Variants in SGCZ observed in about 807,000 individuals in gnomAD.
SGCZ encodes the protein zeta-sarcoglycan.
A neutral mutation model predicts 41.3 loss-of-function variants in SGCZ; 40 were observed. The observed-to-expected ratio is 0.97, with a 90% confidence interval of 0.75 to 1.26. The LOEUF is 1.26. Among genes scored for constraint, SGCZ ranks in the 50% most tolerant of loss-of-function variants. The pLI, the probability that SGCZ is intolerant of heterozygous loss-of-function variation, is 0.00. For missense variants in SGCZ, 552 were observed against 369.8 expected, an observed-to-expected ratio of 1.49 and a Z score of -4.04; for synonymous variants, 206 against 137.5, an observed-to-expected ratio of 1.50 and a Z score of -3.49.
intron 1 of SGCZ, among the ~76,000 whole-genome samples, chr8:14,803,485 C>G (rs903331493): frequency 6.6e-6 from 1 of 152,076 alleles, no homozygotes; most frequent in African/African-American, 2.4e-5. Flanking sequence ...CCTGGAAAAT[C>G]GGGTCACTCC....
rs191251323 is a variant in SGCZ, at chr8:14,119,914, A to C, written c.548-11679T>G. On this transcript the variant is annotated intron_variant, in intron 5 of 7. Transcript: ENST00000382080. ...GCCTTGCATCCCAGGGATGAAGCCC[A>C]CTTGATTGTGGTGGATAAACTTTTT... 2.4e-3 allele frequency among the ~76,000 whole-genome samples: 359 copies of C among 152,254 alleles called. 5 individuals are homozygous for C. Among genetic ancestry groups the C allele is most frequent in the Admixed American group, 0.022 (338 of 15,300 alleles).
At chr8:14,916,071 T>A (rs985215457) in intron 1 of SGCZ, among the ~76,000 whole-genome samples, 8 of 152,176 alleles carry the variant, frequency 5.3e-5, no homozygotes, top group Non-Finnish European at 2.9e-5. Context: ...GTCATGTAGG[T>A]TTGCAGAGTA....
intron 1 of SGCZ, among the ~76,000 whole-genome samples, chr8:14,571,921 T>C (rs1482147378): frequency 8.5e-5 from 13 of 152,192 alleles, no homozygotes; most frequent in African/African-American, 2.9e-4. Context: ...ATTATTTACT[T>C]AATGTACACA....
intron 2 of SGCZ, among the ~76,000 whole-genome samples, chr8:14,480,057 T>C (rs1162333370): frequency 6.6e-6 from 1 of 152,208 alleles, no homozygotes; most frequent in Non-Finnish European, 1.5e-5. Context: ...CATTTCTCCT[T>C]TATAGCTGTT....
chr8:14,274,515 G>A (rs1278027382), intron 3 of SGCZ, among the ~76,000 whole-genome samples: 1 of 152,082 alleles, frequency 6.6e-6, no homozygotes, highest in Non-Finnish European at 1.5e-5. Context: ...AAACCTCTGT[G>A]TGCTAACACT....
intron 1 of SGCZ, among the ~76,000 whole-genome samples, chr8:15,031,067 G>A (rs766428538): frequency 1.3e-5 from 2 of 149,200 alleles, no homozygotes; most frequent in Admixed American, 6.7e-5. Flanking sequence ...CATATTTCGC[G>A]TGTGTGTGTG....
At chr8:15,098,407 C>T (rs17120915) in intron 1 of SGCZ, among the ~76,000 whole-genome samples, 5 of 152,136 alleles carry the variant, frequency 3.3e-5, no homozygotes, top group East Asian at 1.9e-4. Flanking sequence ...TATCCCAGAC[C>T]CAAACAAATT....
At chr8:14,975,585 A>G (rs1801440821) in intron 1 of SGCZ, among the ~76,000 whole-genome samples, 1 of 152,056 alleles carries the variant, frequency 6.6e-6, no homozygotes, top group East Asian at 1.9e-4. Flanking sequence ...CGGGATTTTC[A>G]GCTTCCACTG....
intron 1 of SGCZ, among the ~76,000 whole-genome samples, chr8:15,226,174 C>T (rs1313479826): frequency 2.6e-5 from 4 of 152,058 alleles, no homozygotes; most frequent in Admixed American, 6.5e-5. Flanking sequence ...TGAAATCCTT[C>T]GGACCTACCT....
chr8:14,808,103 C>T lies in SGCZ; in HGVS notation c.40-253177G>A, dbSNP rs1165698013. On this transcript the variant is annotated intron_variant, in intron 1 of 7. Coordinates refer to ENST00000382080, the MANE Select transcript of SGCZ (RefSeq NM_139167.4). The stretch of plus-strand genomic sequence containing the variant: ...ATTCAAGATGGATTAAAGACTGAAA[C>T]GTTAGACCTAAAACCATAAAAACCC... Among the ~76,000 whole-genome samples the T allele has an allele frequency of 4.6e-5, 7 of 152,208 alleles. No individual in the cohort carries two copies. In the East Asian group the frequency reaches 9.6e-4, roughly 21 times the overall value.
At chr8:14,271,483 T>C (rs1035833580) in intron 3 of SGCZ, among the ~76,000 whole-genome samples, 2 of 152,220 alleles carry the variant, frequency 1.3e-5, no homozygotes, top group African/African-American at 4.8e-5. Context: ...AGATGTCTCA[T>C]TTGACCAACA....
intron 1 of SGCZ, among the ~76,000 whole-genome samples, chr8:15,021,115 CTATT>C (rs1202857962): frequency 6.6e-6 from 1 of 152,152 alleles, no homozygotes; most frequent in African/African-American, 2.4e-5. Flanking sequence ...ACAAGAGAGA[CTATT>C]TTATTTCTAA....
intron 1 of SGCZ, chr8:14,879,805 A>G (rs1804515243): frequency 6.6e-6 from 1 of 152,130 alleles, no homozygotes; most frequent in Middle Eastern, 3.4e-3. Context: ...TAGATTAAAA[A>G]AAAAAAAAGT....
At chr8:14,289,681 T>C (rs1800773527) in intron 3 of SGCZ, among the ~76,000 whole-genome samples, 1 of 151,990 alleles carries the variant, frequency 6.6e-6, no homozygotes, top group African/African-American at 2.4e-5. Context: ...CAACTGATAT[T>C]GGCAAAGGCA....
intron 1 of SGCZ, among the ~76,000 whole-genome samples, chr8:14,840,811 T>C (rs1192857918): frequency 6.6e-6 from 1 of 152,110 alleles, no homozygotes; most frequent in African/African-American, 2.4e-5. Flanking sequence ...TGAGACTTTT[T>C]AACCTCTTAT....
At chr8:14,910,186 TATCTTCC>T (rs71917792) in intron 1 of SGCZ, among the ~76,000 whole-genome samples, 30,622 of 151,820 alleles carry the variant, frequency 0.2, 3,994 homozygotes, top group African/African-American at 0.38. Flanking sequence ...ACCAGTAACA[TATCTTCC>T]ATCTACTCAT....
intron 4 of SGCZ, among the ~76,000 whole-genome samples, chr8:14,180,911 C>G (rs66476614): frequency 6.6e-6 from 1 of 151,396 alleles, no homozygotes; most frequent in African/African-American, 2.4e-5. Context: ...TGAAGACTAC[C>G]AGAAGGGAGG....
intron 1 of SGCZ, among the ~76,000 whole-genome samples, chr8:14,765,965 G>GTTTT: frequency 8.1e-6 from 1 of 123,426 alleles, no homozygotes; most frequent in Non-Finnish European, 1.8e-5. Flanking sequence ...GCATATGATA[G>GTTTT]TCTTTTTTTT....
intron 1 of SGCZ, among the ~76,000 whole-genome samples, chr8:14,804,174 C>G (rs1801444583): frequency 1.1e-5 from 1 of 91,658 alleles, no homozygotes; most frequent in Non-Finnish European, 2.1e-5. Flanking sequence ...CAGAGCGCCT[C>G]TCCTCCTCCA....
Sources: allele counts gnomAD v4.1 joint callset (sites outside exome capture counted in the v4.1 genomes callset), GRCh38; gene constraint gnomAD v4.1.1; transcripts MANE v1.5; gene names NCBI Gene and HGNC (gene_info 2026-07-23, HGNC 2026-07-21).